The following ADAM32 variants were observed in gnomAD, a reference collection of about 807,000 sequenced individuals.
ADAM32 encodes the protein disintegrin and metalloproteinase domain-containing protein 32.
In ADAM32, 89 loss-of-function variants were observed where a neutral mutation model predicts 114.9. That is an observed-to-expected ratio of 0.77 (90% CI 0.65 to 0.92). The LOEUF (loss-of-function observed/expected upper bound fraction) is 0.92, where lower values mean the gene tolerates loss of function less well. ADAM32 is among the 40% of genes least tolerant of loss of function. The pLI is 0.00. For missense variants in ADAM32, 870 were observed against 932.8 expected, an observed-to-expected ratio of 0.93 and a Z score of 0.88; for synonymous variants, 285 against 307.5, an observed-to-expected ratio of 0.93 and a Z score of 0.77.
intron 14 of ADAM32, among the ~76,000 whole-genome samples, chr8:39,229,756 A>C (rs1480322037): frequency 6.6e-6 from 1 of 152,172 alleles, no homozygotes; most frequent in Non-Finnish European, 1.5e-5. Flanking sequence ...ATAGTGGGGG[A>C]CTTCAAGACT....
chr8:39,146,669 C>CT (rs1803525649), intron 3 of ADAM32, among the ~76,000 whole-genome samples: 1 of 152,176 alleles, frequency 6.6e-6, no homozygotes, highest in Admixed American at 6.5e-5. Flanking sequence ...CCTTGGCCTC[C>CT]CAAAGTGTTG....
At chr8:39,214,131 A>T (rs1808404837) in intron 12 of ADAM32, among the ~76,000 whole-genome samples, 1 of 152,180 alleles carries the variant, frequency 6.6e-6, no homozygotes, top group Admixed American at 6.5e-5. Context: ...TATTGAGAAT[A>T]GTGCTGCAGT....
At chr8:39,129,191 C>A (rs528787745) in intron 2 of ADAM32, among the ~76,000 whole-genome samples, 1 of 149,714 alleles carries the variant, frequency 6.7e-6, no homozygotes, top group African/African-American at 2.5e-5. Context: ...GCAAATACAG[C>A]ATTATCCTGT....
At chr8:39,206,205 G>A (rs1807822956) in intron 11 of ADAM32, among the ~76,000 whole-genome samples, 1 of 152,182 alleles carries the variant, frequency 6.6e-6, no homozygotes, top group African/African-American at 2.4e-5. Flanking sequence ...TGTTAGTGGA[G>A]GCTGTGGTGA....
chr8:39,160,880 G>A lies in ADAM32; in HGVS notation c.526-17G>A. The A allele has an allele frequency of 1.3e-6, 2 of 1,566,350 alleles. No homozygotes were observed. Among genetic ancestry groups the A allele is most frequent in the Non-Finnish European group, 1.7e-6 (2 of 1,156,184 alleles). On this transcript the variant is annotated splice_polypyrimidine_tract_variant and intron_variant, in intron 6 of 24. Transcript: ENST00000379907. The stretch of plus-strand genomic sequence containing the variant: ...TGAAATTTTTCATGTATTATATGCT[G>A]TTTTCCTTTTTTCTAGTCAGAACCA...
intron 11 of ADAM32, among the ~76,000 whole-genome samples, chr8:39,203,416 T>G (rs888516526): frequency 4.6e-5 from 7 of 152,210 alleles, no homozygotes; most frequent in Non-Finnish European, 1.0e-4. Context: ...TGATCTTTGT[T>G]GGTTTAAAGT....
intron 3 of ADAM32, among the ~76,000 whole-genome samples, chr8:39,141,737 G>T (rs978107065): frequency 1.3e-5 from 2 of 152,082 alleles, no homozygotes; most frequent in Non-Finnish European, 1.5e-5. Flanking sequence ...TCAAGTCCTG[G>T]ATATCCTTGT....
At chr8:39,243,976 G>T (rs1339068511) in intron 16 of ADAM32, among the ~76,000 whole-genome samples, 1 of 152,098 alleles carries the variant, frequency 6.6e-6, no homozygotes, top group Non-Finnish European at 1.5e-5. Flanking sequence ...CAGTAGCATT[G>T]CTATACACCA....
intron 3 of ADAM32, among the ~76,000 whole-genome samples, chr8:39,139,288 C>A (rs1476705326): frequency 6.6e-6 from 1 of 152,130 alleles, no homozygotes; most frequent in Non-Finnish European, 1.5e-5. Context: ...AGGTTTTCTT[C>A]TAGGGTTTTT....
intron 6 of ADAM32, among the ~76,000 whole-genome samples, chr8:39,157,158 C>T (rs1487146605): frequency 6.6e-6 from 1 of 152,116 alleles, no homozygotes; most frequent in Non-Finnish European, 1.5e-5. Flanking sequence ...TTAGATATTA[C>T]TATTATTGAA....
chr8:39,128,906 G>T (rs1802270340), intron 2 of ADAM32, among the ~76,000 whole-genome samples: 1 of 152,068 alleles, frequency 6.6e-6, no homozygotes, highest in African/African-American at 2.4e-5. Context: ...TCTTCATCTG[G>T]TAATTTTTAA....
intron 11 of ADAM32, among the ~76,000 whole-genome samples, chr8:39,205,081 C>A (rs1807726112): frequency 6.6e-6 from 1 of 152,202 alleles, no homozygotes; most frequent in South Asian, 2.1e-4. Context: ...GTCAGGGACC[C>A]ACTTGAGGAG....
rs1809768001 is a variant in ADAM32, at chr8:39,232,033, G to A, written c.1532G>A (p.Arg511Lys). The change falls in exon 15 of 25, where the codon AGA becomes AAA. Residue 511 changes from arginine to lysine, a missense_variant. Transcript: ENST00000379907. ...RCESVFGKGS[R>K]NAPFACYEEI... is the part of the protein sequence containing the mutation. ...GTATTTCTAACTTTAACAGGTTCAA[G>A]AAATGCTCCATTTGCCTGCTATGAA... is the stretch of plus-strand genomic sequence containing the variant. The A allele has an allele frequency of 2.5e-6, 4 of 1,609,558 alleles. No homozygotes were observed. The highest frequency in any genetic ancestry group is 8.5e-7 in the Non-Finnish European group (1 of 1,177,624).
At chr8:39,214,010 C>T (rs979684727) in intron 12 of ADAM32, among the ~76,000 whole-genome samples, 1 of 152,124 alleles carries the variant, frequency 6.6e-6, no homozygotes, top group Non-Finnish European at 1.5e-5. Context: ...TTGCAAATGA[C>T]TGAATCTCAT....
intron 10 of ADAM32, among the ~76,000 whole-genome samples, chr8:39,183,424 A>G (rs1254683723): frequency 6.6e-6 from 1 of 152,046 alleles, no homozygotes; most frequent in Non-Finnish European, 1.5e-5. Flanking sequence ...GCCCAGAGTA[A>G]CTCTGCATGC....
chr8:39,156,274 A>G (rs2129445775), intron 6 of ADAM32, among the ~76,000 whole-genome samples: 1 of 152,200 alleles, frequency 6.6e-6, no homozygotes, highest in South Asian at 2.1e-4. Context: ...CTGCCTCCCA[A>G]TTAGCTGGGA....
chr8:39,274,451 G>T (rs1232037788), intron 21 of ADAM32, 101 bp downstream of exon 21: 5 of 1,313,186 alleles, frequency 3.8e-6, no homozygotes, highest in Non-Finnish European at 4.3e-6. Flanking sequence ...ATGTCAATTG[G>T]TAAAGCAATG....
rs373517722 is a variant in ADAM32, at chr8:39,111,984, A to G, written c.58+4151A>G. 2.6e-3 allele frequency among the ~76,000 whole-genome samples: 395 copies of G among 152,240 alleles called. 5 individuals are homozygous for G. Among genetic ancestry groups the G allele is most frequent in the African/African-American group, 9.2e-3 (383 of 41,568 alleles). ...TCTCTGGATATTTATAAACATATAT[A>G]TTTCTGGATCAAAATCCTGGAACTT... On this transcript the variant is annotated intron_variant, in intron 1 of 24. Coordinates refer to ENST00000379907, the MANE Select transcript of ADAM32 (RefSeq NM_145004.7).
chr8:39,172,831 G>T (rs941369581), intron 10 of ADAM32, among the ~76,000 whole-genome samples: 2 of 152,188 alleles, frequency 1.3e-5, no homozygotes, highest in Non-Finnish European at 2.9e-5. Flanking sequence ...ATAATAGAAT[G>T]ATTTATATTC....
Sources: allele counts gnomAD v4.1 joint callset (sites outside exome capture counted in the v4.1 genomes callset), GRCh38; gene constraint gnomAD v4.1.1; transcripts MANE v1.5; gene names NCBI Gene and HGNC (gene_info 2026-07-23, HGNC 2026-07-21).